The following DNAH2 variants were observed in gnomAD, a reference collection of about 807,000 sequenced individuals.
DNAH2 encodes the protein dynein axonemal heavy chain 2, also known as axonemal beta dynein heavy chain 2.
DNAH2 carries 323 observed loss-of-function variants against 523.5 expected under a neutral mutation model. That is an observed-to-expected ratio of 0.62 (90% confidence interval 0.56 to 0.68). The LOEUF (loss-of-function observed/expected upper bound fraction) is 0.68. DNAH2 is among the 30% of genes least tolerant of loss of function. The pLI is 0.00. For missense variants in DNAH2, 4,907 were observed against 5,701.5 expected (o/e 0.86, Z 4.49); for synonymous variants, 2,093 against 2,177.4 (o/e 0.96, Z 1.08).
At chr17:7,724,893 C>G (rs2151120229) in intron 3 of DNAH2, among the ~76,000 whole-genome samples, 1 of 151,756 alleles carries the variant, frequency 6.6e-6, no homozygotes, top group African/African-American at 2.4e-5. Context: ...CAGGCATGCA[C>G]CACCACGCCC....
chr17:7,804,537 T>C lies in DNAH2; in HGVS notation c.9183+71T>C, dbSNP rs1442246242. ...CGGCTACTGCGTCAGGGAACCCATG[T>C]TCCCCCCTTCTTAAATTTTCTTTAG... is the stretch of plus-strand genomic sequence containing the variant. On this transcript the variant is annotated intron_variant, in intron 59 of 85. Transcript: ENST00000572933. 4 of 1,527,248 alleles carry C rather than the reference T, an allele frequency of 2.6e-6. No individual in the cohort carries two copies. The African/African-American group carries it at 4.1e-5, about 16-fold the overall frequency. The allele number at this position is 1,527,248 out of a possible 1,614,324, so 94.6% of individuals were successfully genotyped here.
chr17:7,792,876 C>T, intron 47 of DNAH2, 21 bp downstream of exon 47: 1 of 1,606,520 alleles, frequency 6.2e-7, no homozygotes, highest in Non-Finnish European at 8.5e-7. Context: ...GATCCAGGGG[C>T]CAGGCTGCCG....
At chr17:7,797,336 C>G in intron 51 of DNAH2, 64 bp from the exon 52 acceptor site, 1 of 1,613,500 alleles carries the variant, frequency 6.2e-7, no homozygotes, top group East Asian at 2.2e-5. Flanking sequence ...CCCAGCCTGA[C>G]ACTGCCTTCC....
At chr17:7,806,764 C>T (rs564737742) in intron 61 of DNAH2, among the ~76,000 whole-genome samples, 115 of 151,788 alleles carry the variant, frequency 7.6e-4, no homozygotes, top group Admixed American at 1.4e-3. Flanking sequence ...AAATGGGAAC[C>T]GGGACTCTGT....
chr17:7,765,616 C>A, intron 21 of DNAH2, 51 bp downstream of exon 21: 1 of 1,565,486 alleles, frequency 6.4e-7, no homozygotes, highest in South Asian at 1.2e-5. Flanking sequence ...TTAGAGACCC[C>A]GCCTTCCAAG....
rs9303221 is a variant in DNAH2, at chr17:7,777,004, C to T, written c.5058+115C>T. On this transcript the variant is annotated intron_variant, in intron 32 of 85. Coordinates refer to ENST00000572933, the MANE Select transcript of DNAH2 (RefSeq NM_020877.5). ...TTCGAGACCAGCCTGGGCAATATGG[C>T]GAAACCCCTTCTTTACCAAAAAATA... 0.91 allele frequency: 716,312 copies of T among 788,022 alleles called. 328,511 individuals carry two copies. Among genetic ancestry groups the T allele is most frequent in the Non-Finnish European group, 0.95 (463,225 of 489,372 alleles). The allele number at this position is 788,022 out of a possible 1,614,324, so 48.8% of individuals were successfully genotyped here. A position where few individuals can be genotyped will look rare whatever the true frequency, so the allele number is the denominator to read the frequency against.
chr17:7,719,331 G>T (rs2074523781), intron 1 of DNAH2, among the ~76,000 whole-genome samples: 1 of 152,084 alleles, frequency 6.6e-6, no homozygotes, highest in African/African-American at 2.4e-5. Context: ...GTTTTGCCAT[G>T]TTGGCCAGGC....
intron 13 of DNAH2, among the ~76,000 whole-genome samples, chr17:7,757,850 A>C (rs1334913142): frequency 6.6e-6 from 1 of 152,218 alleles, no homozygotes; most frequent in Admixed American, 6.5e-5. Context: ...CTGTCCTCAC[A>C]TAGTGGAAGG....
At chr17:7,727,917 G>A (rs1322951781) in intron 4 of DNAH2, among the ~76,000 whole-genome samples, 2 of 152,104 alleles carry the variant, frequency 1.3e-5, no homozygotes, top group Admixed American at 6.6e-5. Context: ...CCTTGATGGT[G>A]GAGGTGCTAT....
At chr17:7,765,058 C>T (rs1202339420) in intron 20 of DNAH2, among the ~76,000 whole-genome samples, 1 of 152,132 alleles carries the variant, frequency 6.6e-6, no homozygotes, top group Admixed American at 6.5e-5. Context: ...CACACCCGGC[C>T]AGGGTTTCTT....
At position 7,776,149 on chromosome 17, in the gene DNAH2, G is replaced by C; in HGVS notation, c.4947G>C (p.Gln1649His). Residue 1649 changes from glutamine (Q) to histidine (H), a missense_variant and splice_region_variant, in exon 31 of 86, where the codon CAG (glutamine) becomes CAC (histidine). Physicochemically the swap from Gln to His is conservative, Grantham distance 24 (BLOSUM62 0). Coordinates refer to ENST00000572933, the MANE Select transcript of DNAH2 (RefSeq NM_020877.5). ...RDKWVKEWAG[Q>H]VVITASQIQW... ...AATGGGTGAAGGAGTGGGCTGGCCA[G>C]GTGAGCTGGGGTCAACAGAAGTGAG... 6.2e-7 allele frequency: 1 copy of C among 1,613,212 alleles called. No homozygotes were observed. Among genetic ancestry groups the C allele is most frequent in the Non-Finnish European group, 8.5e-7 (1 of 1,179,588 alleles).
At chr17:7,740,068 G>GT (rs952326581) in intron 9 of DNAH2, 130 bp downstream of exon 9, 60 of 775,486 alleles carry the variant, frequency 7.7e-5, no homozygotes, top group South Asian at 6.0e-4. Context: ...CGGTGGCCCG[G>GT]GGGGGGGGAC....
In DNAH2 at chr17:7,749,330, A is replaced by ATC. The variant is rs1487744435; in HGVS notation, c.1904+6188_1904+6189insTC. Among the ~76,000 whole-genome samples, 586 of 144,434 alleles carry ATC rather than the reference A, an allele frequency of 4.1e-3. 14 individuals carry two copies. The highest frequency in any genetic ancestry group is 6.7e-3 in the Admixed American group (95 of 14,238). 94.8% of individuals were successfully genotyped at this position (144,434 alleles called of 152,430 possible). ...CCCCAAAAAAAAAAAAAAAAAAAAA[A>ATC]AAAAAAAAAAAAAAAAAAGAAAGAA... On this transcript the variant is annotated intron_variant, in intron 12 of 85. Coordinates refer to ENST00000572933, the MANE Select transcript of DNAH2 (RefSeq NM_020877.5).
chr17:7,766,796 C>T (rs912947889), intron 22 of DNAH2, among the ~76,000 whole-genome samples: 1 of 151,558 alleles, frequency 6.6e-6, no homozygotes, highest in Admixed American at 6.6e-5. Context: ...TACAAGCATC[C>T]ACCACTATGC....
intron 77 of DNAH2, among the ~76,000 whole-genome samples, chr17:7,825,442 CA>C (rs1427197613): frequency 2.6e-5 from 4 of 152,204 alleles, no homozygotes; most frequent in African/African-American, 9.6e-5. Context: ...TGCCTTTCAT[CA>C]TTATTAATCC....
chr17:7,822,963 C>T (rs1251478325), intron 73 of DNAH2, among the ~76,000 whole-genome samples: 1 of 152,054 alleles, frequency 6.6e-6, no homozygotes, highest in African/African-American at 2.4e-5. Flanking sequence ...CACGTTTATT[C>T]CCCAGGATCC....
chr17:7,755,038 C>T (rs2075798205), intron 12 of DNAH2: 1 of 320,680 alleles, frequency 3.1e-6, no homozygotes, highest in Admixed American at 4.5e-5. Context: ...ACTGTCCTAT[C>T]ATAAATGGGA....
chr17:7,812,342 G>C (rs2077539316), intron 63 of DNAH2, among the ~76,000 whole-genome samples: 1 of 152,116 alleles, frequency 6.6e-6, no homozygotes, highest in Non-Finnish European at 1.5e-5. Context: ...TTCAGGCTGG[G>C]CTTGGTGGCT....
rs2076749316 is a variant in DNAH2 at position 7,786,814 on chromosome 17, T to TGC, written c.6467-83_6467-82insGC. On this transcript the variant is annotated intron_variant, in intron 41 of 85. Transcript: ENST00000572933. The surrounding 1 kb of genome is among the most constrained non-coding windows in gnomAD (Gnocchi z 7.5). ...GGGAATGCTGAAGTACAAGGGAGTG[T>TGC]AGGCTTGTGTCTCCGAGGAGCGTGA... The TGC allele has an allele frequency of 6.2e-7, 1 of 1,606,396 alleles. No homozygotes were observed. The highest frequency in any genetic ancestry group is 1.7e-5 in the Admixed American group (1 of 59,728).
Sources: gnomAD v4.1 joint callset for allele counts (sites outside exome capture counted in the v4.1 genomes callset) on GRCh38, gnomAD v4.1.1 for gene constraint, Gnocchi (gnomAD v3.1) non-coding constraint, MANE v1.5 for transcripts, NCBI Gene and HGNC (gene_info 2026-07-23, HGNC 2026-07-21) for gene names.